The following ADGB variants were observed in gnomAD, a reference collection of about 807,000 sequenced individuals.
The protein encoded by ADGB is androglobin.
Under a neutral mutation model 210.5 loss-of-function variants are expected in ADGB, and 172 were observed. That is an observed-to-expected ratio of 0.82 (90% confidence interval 0.72 to 0.93). The LOEUF is 0.93. Ranked by LOEUF, ADGB falls within the 40% of genes least tolerant of loss-of-function variation. The pLI, the probability that ADGB is intolerant of heterozygous loss-of-function variation, is 0.00. For synonymous variants in ADGB, 658 were observed against 662.7 expected (o/e 0.99, Z 0.11); for missense variants, 2,025 against 1,964.8 (o/e 1.03, Z -0.58).
At chr6:146,755,670 T>C (rs1050946714) in intron 27 of ADGB, among the ~76,000 whole-genome samples, 3 of 152,086 alleles carry the variant, frequency 2.0e-5, no homozygotes, top group Admixed American at 2.0e-4. Context: ...GACAGACTAA[T>C]ATAAAATGCA....
intron 8 of ADGB, among the ~76,000 whole-genome samples, chr6:146,673,829 G>A (rs539226332): frequency 5.3e-5 from 8 of 152,090 alleles, no homozygotes; most frequent in Non-Finnish European, 1.0e-4. Context: ...CTCCTAGGCT[G>A]GTGATATACA....
intron 23 of ADGB, among the ~76,000 whole-genome samples, chr6:146,738,737 C>A (rs950029369): frequency 6.6e-6 from 1 of 152,006 alleles, no homozygotes; most frequent in African/African-American, 2.4e-5. Flanking sequence ...GGATTACAGG[C>A]GTGAGCCACT....
chr6:146,733,862 T>G (rs1226711268), intron 21 of ADGB, 31 bp from the exon 22 acceptor site: 12 of 1,550,858 alleles, frequency 7.7e-6, no homozygotes, highest in Non-Finnish European at 1.0e-5. Context: ...AAATATAACT[T>G]TCAGTCCAAA....
intron 35 of ADGB, among the ~76,000 whole-genome samples, chr6:146,804,824 C>T (rs951686740): frequency 2.0e-5 from 3 of 152,116 alleles, no homozygotes; most frequent in Non-Finnish European, 2.9e-5. Flanking sequence ...ATCACAGTGG[C>T]CTAACATAGT....
intron 17 of ADGB, among the ~76,000 whole-genome samples, chr6:146,723,718 C>G (rs532196089): frequency 6.6e-6 from 1 of 152,282 alleles, no homozygotes; most frequent in South Asian, 2.1e-4. Context: ...GCTTGGGTAA[C>G]AGAGTGAGAA....
At position 146,691,267 on chromosome 6, in the gene ADGB, C is replaced by G. The variant is rs1276952816; in HGVS notation, c.1463C>G (p.Thr488Ser). The G allele has an allele frequency of 4.7e-5, 73 of 1,546,460 alleles. No individual in the cohort carries two copies. Among genetic ancestry groups the G allele is most frequent in the Non-Finnish European group, 6.2e-5 (71 of 1,145,844 alleles). ...PWKLIRQKKE[T>S]VITDEAQELI... The stretch of plus-strand genomic sequence containing the variant: ...AAACTCATTCGTCAAAAAAAGGAAA[C>G]TGTTATAACAGATGAAGCTCAAGGT... Residue 488 changes from threonine (T) to serine (S), a missense_variant, in exon 11 of 36, where the codon ACT (threonine) becomes AGT (serine). Coordinates refer to ENST00000397944, the MANE Select transcript of ADGB (RefSeq NM_024694.4).
chr6:146,622,697 T>A (rs1780913017), intron 1 of ADGB, among the ~76,000 whole-genome samples: 1 of 152,064 alleles, frequency 6.6e-6, no homozygotes, highest in Non-Finnish European at 1.5e-5. Flanking sequence ...CTATTAATAG[T>A]GTCCTTTGAA....
chr6:146,621,843 T>C lies in ADGB; in HGVS notation c.75-13532T>C, dbSNP rs942098106. 1.7e-4 allele frequency among the ~76,000 whole-genome samples: 26 copies of C among 152,174 alleles called. 1 individual carries two copies. Among genetic ancestry groups the C allele is most frequent in the African/African-American group, 5.3e-4 (22 of 41,446 alleles). The stretch of plus-strand genomic sequence containing the variant: ...TTGGGCTATTTCTAGTTTTTAGCTA[T>C]TACAAACAAAGCTGCTATTCATATT... On this transcript the variant is annotated intron_variant, in intron 1 of 35. Transcript: ENST00000397944.
chr6:146,610,778 A>G (rs1476170739), intron 1 of ADGB, among the ~76,000 whole-genome samples: 1 of 152,172 alleles, frequency 6.6e-6, no homozygotes, highest in Admixed American at 6.5e-5. Context: ...GGTTCACAGT[A>G]AAAGCATTTC....
intron 35 of ADGB, among the ~76,000 whole-genome samples, chr6:146,805,174 T>TG (rs1778194040): frequency 6.6e-6 from 1 of 152,162 alleles, no homozygotes; most frequent in African/African-American, 2.4e-5. Context: ...GAAGAGAACA[T>TG]GGGGAATTGC....
At chr6:146,714,985 T>C (rs973523195) in intron 13 of ADGB, among the ~76,000 whole-genome samples, 2 of 152,228 alleles carry the variant, frequency 1.3e-5, no homozygotes, top group Non-Finnish European at 1.5e-5. Context: ...ATTTTTATAA[T>C]TGAAATCAGC....
At chr6:146,801,763 T>A in intron 34 of ADGB, 65 bp from the exon 35 acceptor site, 1 of 1,373,836 alleles carries the variant, frequency 7.3e-7, no homozygotes, top group Non-Finnish European at 9.8e-7. Flanking sequence ...ATTTGATGTC[T>A]AAAGTGAAGC....
At position 146,788,635 on chromosome 6, in the gene ADGB, A is replaced by G. The variant is rs1315399824; in HGVS notation, c.4537+25A>G. The G allele has an allele frequency of 7.8e-6, 12 of 1,530,822 alleles. No homozygotes were observed. The East Asian group carries it at 2.5e-4, about 31-fold the overall frequency. 94.8% of individuals were successfully genotyped at this position (1,530,822 alleles called of 1,614,324 possible). Reference sequence around the variant, plus strand: ...CGTAAGTATTGCTGTCATTGGTAACATAAACATGTATTTTCAAATAAAAAT... The same window carrying G: ...CGTAAGTATTGCTGTCATTGGTAACGTAAACATGTATTTTCAAATAAAAAT... On this transcript the variant is annotated intron_variant, in intron 33 of 35. Transcript: ENST00000397944.
Position 146,745,901 on chromosome 6 carries a change from TG to T in ADGB, c.3178-20del, listed in dbSNP as rs138452441. 3,061 of 1,518,630 alleles carry T rather than the reference TG, an allele frequency of 2.0e-3. 46 individuals are homozygous for T. The African/African-American group carries it at 0.036, about 18-fold the overall frequency. 94.1% of individuals were successfully genotyped at this position (1,518,630 alleles called of 1,614,324 possible). On this transcript the variant is annotated intron_variant, in intron 25 of 35. Transcript: ENST00000397944. ...ATAATAACGACATAATTCATTTCTG[TG>T]TAATTTGTCTTTCTTATAGAAGGGA...
rs1300473511 is a variant in ADGB at position 146,599,030 on chromosome 6, C to T, written c.-11C>T. The T allele has an allele frequency of 7.7e-6, 12 of 1,550,904 alleles. No homozygotes were observed. In the Middle Eastern group the frequency reaches 5.0e-4, roughly 65 times the overall value. ...GCTCAGAGCTCAGCCCTACATAGAT[C>T]GGCTTCTGCCATGGCCTCCAAACAA... is the stretch of plus-strand genomic sequence containing the variant. On this transcript the variant is annotated 5_prime_UTR_variant, in exon 1 of 36. Transcript: ENST00000397944.
intron 23 of ADGB, among the ~76,000 whole-genome samples, chr6:146,738,627 T>C (rs1583615606): frequency 1.3e-5 from 2 of 151,884 alleles, no homozygotes; most frequent in East Asian, 3.9e-4. Flanking sequence ...TTTTTGTATT[T>C]TTAGTAAAGA....
At chr6:146,631,956 T>C (rs1781072202) in intron 1 of ADGB, among the ~76,000 whole-genome samples, 1 of 141,252 alleles carries the variant, frequency 7.1e-6, no homozygotes, top group African/African-American at 2.8e-5. Flanking sequence ...CCTGCTCATC[T>C]CCTCATTAAA....
At chr6:146,601,360 G>T (rs1432072219) in intron 1 of ADGB, among the ~76,000 whole-genome samples, 4 of 152,148 alleles carry the variant, frequency 2.6e-5, no homozygotes, top group East Asian at 3.9e-4. Flanking sequence ...GCTAAGATTT[G>T]TTAGAGACTA....
intron 27 of ADGB, among the ~76,000 whole-genome samples, chr6:146,761,687 C>A (rs1406497701): frequency 6.6e-6 from 1 of 151,978 alleles, no homozygotes; most frequent in Admixed American, 6.6e-5. Context: ...TGGTGCTCTA[C>A]CTAGGACTAA....
Sources: gnomAD v4.1 joint callset for allele counts (sites outside exome capture counted in the v4.1 genomes callset) on GRCh38, gnomAD v4.1.1 for gene constraint, MANE v1.5 for transcripts, NCBI Gene and HGNC (gene_info 2026-07-23, HGNC 2026-07-21) for gene names.